Variants in ASXL3 observed in about 807,000 individuals in gnomAD.
The protein encoded by ASXL3 is putative Polycomb group protein ASXL3.
A neutral mutation model predicts 170.6 loss-of-function variants in ASXL3; 34 were observed. The observed-to-expected ratio is 0.20, with a 90% confidence interval of 0.15 to 0.27. The LOEUF (loss-of-function observed/expected upper bound fraction) is 0.27. Among genes scored for constraint, ASXL3 ranks in the 10% least tolerant of loss-of-function variants. The probability of loss-of-function intolerance (pLI) is 1.00; values close to 1 mark genes in which losing one functional copy is unlikely to be tolerated. For missense variants in ASXL3, 2,592 were observed against 2,695.3 expected (o/e 0.96, Z 0.85); for synonymous variants, 1,002 against 989.1 (o/e 1.01, Z -0.24).
chr18:33,653,961 C>T (rs1284830556), intron 4 of ASXL3, among the ~76,000 whole-genome samples: 3 of 151,850 alleles, frequency 2.0e-5, no homozygotes, highest in Non-Finnish European at 4.4e-5. Flanking sequence ...ACATTACTTA[C>T]AGACACTTTT....
intron 8 of ASXL3, among the ~76,000 whole-genome samples, chr18:33,697,139 C>A (rs1355547885): frequency 6.6e-6 from 1 of 152,026 alleles, no homozygotes; most frequent in African/African-American, 2.4e-5. Flanking sequence ...TAAAGAGAAC[C>A]TGTGTGACAA....
In ASXL3 at chr18:33,739,707, A is replaced by C. The variant is rs1191870761; in HGVS notation, c.2303A>C (p.Gln768Pro). ...SSINERMAHQ[Q>P]RKSPSVSEEP... is the part of the protein sequence containing the mutation. ...ATAAATGAGAGAATGGCACATCAGC[A>C]AAGAAAGTCACCTTCTGTATCTGAA... The change falls in exon 11 of 12, where the codon CAA becomes CCA. Residue 768 changes from glutamine to proline, a missense_variant. By Grantham distance (76) the Gln-to-Pro change is moderately conservative (BLOSUM62 -1). Coordinates refer to ENST00000269197, the MANE Select transcript of ASXL3 (RefSeq NM_030632.3). The C allele has an allele frequency of 6.2e-7, 1 of 1,613,934 alleles. No individual in the cohort carries two copies. The highest frequency in any genetic ancestry group is 8.5e-7 in the Non-Finnish European group (1 of 1,179,880).
At chr18:33,579,662 C>G (rs1487189787) in intron 1 of ASXL3, among the ~76,000 whole-genome samples, 7 of 151,794 alleles carry the variant, frequency 4.6e-5, no homozygotes, top group Non-Finnish European at 1.0e-4. Context: ...AAGGATTTTT[C>G]AAAAGGATAT....
intron 8 of ASXL3, among the ~76,000 whole-genome samples, chr18:33,727,887 G>T (rs1200300447): frequency 6.6e-6 from 1 of 152,028 alleles, no homozygotes; most frequent in African/African-American, 2.4e-5. Flanking sequence ...ACAGCCTGGG[G>T]ATCTGGCAGT....
At position 33,623,604 on chromosome 18, in the gene ASXL3, TG is replaced by T. The variant is rs199887634; in HGVS notation, c.137+15930del. Among the ~76,000 whole-genome samples the T allele has an allele frequency of 4.8e-3, 730 of 152,288 alleles. 5 individuals carry two copies. Among genetic ancestry groups the T allele is most frequent in the Middle Eastern group, 0.024 (7 of 294 alleles). The stretch of plus-strand genomic sequence containing the variant: ...CTGTTTGCTGCCATTGTTAGAAATT[TG>T]GAGAAAGATAATCAAGATAGAATGA... On this transcript the variant is annotated intron_variant, in intron 2 of 11. Transcript: ENST00000269197.
chr18:33,663,019 T>A (rs973959077), intron 5 of ASXL3, among the ~76,000 whole-genome samples: 6 of 152,170 alleles, frequency 3.9e-5, no homozygotes, highest in African/African-American at 1.4e-4. Context: ...ATATTGAAGG[T>A]AGTAACAGTA....
Position 33,739,647 on chromosome 18 carries a change from T to G in ASXL3, c.2243T>G (p.Leu748Arg), listed in dbSNP as rs542874723. The change falls in exon 11 of 12, where the codon CTT (leucine) becomes CGT (arginine). Residue 748 changes from leucine (L) to arginine (R), a missense_variant. Coordinates refer to ENST00000269197, the MANE Select transcript of ASXL3 (RefSeq NM_030632.3). ...SETTFVSSLPLPSETSPISNS... is the reference protein window; with the variant it reads ...SETTFVSSLPRPSETSPISNS... ...ACCACTTTTGTATCCAGTTTGCCAC[T>G]TCCTTCAGAAACATCTCCAATTTCC... is the stretch of plus-strand genomic sequence containing the variant. The G allele has an allele frequency of 1.2e-5, 20 of 1,613,910 alleles. No individual in the cohort carries two copies. Among genetic ancestry groups the G allele is most frequent in the African/African-American group, 1.1e-4 (8 of 75,038 alleles).
intron 4 of ASXL3, among the ~76,000 whole-genome samples, chr18:33,651,349 C>T (rs1196654868): frequency 6.6e-6 from 1 of 151,938 alleles, no homozygotes; most frequent in African/African-American, 2.4e-5. Context: ...CTTCCTACAG[C>T]TGTACAAATA....
chr18:33,589,289 C>T (rs755106543), intron 1 of ASXL3, among the ~76,000 whole-genome samples: 7 of 152,132 alleles, frequency 4.6e-5, no homozygotes, highest in Admixed American at 3.9e-4. Context: ...TTGTGTCTGA[C>T]GTTATAAGAT....
At chr18:33,667,574 A>G (rs761813790) in intron 5 of ASXL3, among the ~76,000 whole-genome samples, 5 of 151,604 alleles carry the variant, frequency 3.3e-5, no homozygotes, top group Non-Finnish European at 7.4e-5. Flanking sequence ...AGTGGATGTG[A>G]TACTATTTTT....
intron 2 of ASXL3, among the ~76,000 whole-genome samples, chr18:33,631,938 A>G (rs2065682990): frequency 6.6e-6 from 1 of 152,200 alleles, no homozygotes; most frequent in Admixed American, 6.5e-5. Context: ...CAGCATTTAA[A>G]TAAATTATAA....
intron 7 of ASXL3, 127 bp from the exon 8 acceptor site, chr18:33,683,278 G>A: frequency 2.8e-6 from 2 of 723,554 alleles, no homozygotes; most frequent in East Asian, 6.3e-5. Context: ...ATTTGTAAAA[G>A]GGGTAGAAGT....
At chr18:33,718,311 C>G (rs1335600483) in intron 8 of ASXL3, among the ~76,000 whole-genome samples, 1 of 152,094 alleles carries the variant, frequency 6.6e-6, no homozygotes, top group African/African-American at 2.4e-5. Context: ...AGCTCATGTA[C>G]ACATATAATT....
chr18:33,630,580 G>T (rs983240316), intron 2 of ASXL3, among the ~76,000 whole-genome samples: 2 of 151,920 alleles, frequency 1.3e-5, no homozygotes, highest in Non-Finnish European at 2.9e-5. Context: ...AACACTAGTG[G>T]TTAAGTTAGT....
At chr18:33,671,165 GT>G (rs1476890152) in intron 6 of ASXL3, among the ~76,000 whole-genome samples, 3 of 152,122 alleles carry the variant, frequency 2.0e-5, no homozygotes, top group East Asian at 3.9e-4. Context: ...GTGTGAATTT[GT>G]TTTTCAGTCC....
chr18:33,686,509 T>C (rs1192631476), intron 8 of ASXL3, among the ~76,000 whole-genome samples: 4 of 152,224 alleles, frequency 2.6e-5, no homozygotes, highest in African/African-American at 9.6e-5. Flanking sequence ...AGAGGATGCT[T>C]AAGTTGAACC....
rs555239730 is a variant in ASXL3, at chr18:33,726,582, C to T, written c.880-5386C>T. Reference sequence around the variant, plus strand: ...TGAATATATGTTGAAATAATATTTTCGATAGTTTGGATTAAGAAAATGCAT... The same window carrying T: ...TGAATATATGTTGAAATAATATTTTTGATAGTTTGGATTAAGAAAATGCAT... On this transcript the variant is annotated intron_variant, in intron 8 of 11. Transcript: ENST00000269197. Among the ~76,000 whole-genome samples the T allele has an allele frequency of 3.3e-5, 5 of 152,078 alleles. No homozygotes were observed. In the South Asian group the frequency reaches 6.2e-4, roughly 19 times the overall value.
At chr18:33,609,241 A>G (rs1343696024) in intron 2 of ASXL3, among the ~76,000 whole-genome samples, 5 of 151,964 alleles carry the variant, frequency 3.3e-5, no homozygotes, top group African/African-American at 1.2e-4. Context: ...AGCACTGAAA[A>G]TATTTGTGCC....
chr18:33,608,022 A>G (rs1181770840), intron 2 of ASXL3, among the ~76,000 whole-genome samples: 3 of 151,998 alleles, frequency 2.0e-5, no homozygotes, highest in African/African-American at 7.2e-5. Context: ...TTTAATAGGT[A>G]GATCCTAGGA....
Sources: gnomAD v4.1 joint callset for allele counts (sites outside exome capture counted in the v4.1 genomes callset) on GRCh38, gnomAD v4.1.1 for gene constraint, MANE v1.5 for transcripts, NCBI Gene and HGNC (gene_info 2026-07-23, HGNC 2026-07-21) for gene names.